CSGALNACT1: variants seen among roughly 807,000 people sequenced by gnomAD.
The protein encoded by CSGALNACT1 is chondroitin sulfate N-acetylgalactosaminyltransferase 1.
CSGALNACT1 carries 52 observed loss-of-function variants against 51.0 expected under a neutral mutation model. The observed-to-expected ratio is 1.02, with a 90% CI of 0.82 to 1.29. The LOEUF is 1.29. Ranked by LOEUF, CSGALNACT1 falls within the 50% of genes most tolerant of loss-of-function variation. CSGALNACT1 has a pLI of 0.00. For synonymous variants in CSGALNACT1, 341 were observed against 254.4 expected (o/e 1.34, Z -3.24); for missense variants, 935 against 679.2 (o/e 1.38, Z -4.19).
At chr8:19,725,203 A>T (rs1404448455) in intron 1 of CSGALNACT1, among the ~76,000 whole-genome samples, 1 of 152,178 alleles carries the variant, frequency 6.6e-6, no homozygotes, top group Non-Finnish European at 1.5e-5. Context: ...AGTCCAAGGC[A>T]CTAAGCCTTG....
chr8:19,733,608 T>C (rs1018369411), intron 1 of CSGALNACT1, among the ~76,000 whole-genome samples: 2 of 152,078 alleles, frequency 1.3e-5, no homozygotes, highest in African/African-American at 4.8e-5. Flanking sequence ...ACAAAGGCAA[T>C]GCACAATGCA....
chr8:19,714,642 T>C (rs1589657793), intron 1 of CSGALNACT1, among the ~76,000 whole-genome samples: 1 of 152,338 alleles, frequency 6.6e-6, no homozygotes, highest in South Asian at 2.1e-4. Context: ...CTACCTTTTC[T>C]ATTAGAGCCT....
At chr8:19,656,352 A>G (rs555448008) in intron 1 of CSGALNACT1, among the ~76,000 whole-genome samples, 1 of 152,254 alleles carries the variant, frequency 6.6e-6, no homozygotes, top group African/African-American at 2.4e-5. Flanking sequence ...CCAATTCACC[A>G]TTTTTATATG....
At position 19,426,643 on chromosome 8, in the gene CSGALNACT1, C is replaced by G. The variant is rs567974831; in HGVS notation, c.954-6125G>C. Among the ~76,000 whole-genome samples the G allele has an allele frequency of 5.3e-4, 80 of 152,304 alleles. 2 individuals carry two copies. In the South Asian group the frequency reaches 0.017, roughly 32 times the overall value. On this transcript the variant is annotated intron_variant, in intron 6 of 9. Transcript: ENST00000454498. Reference sequence around the variant, plus strand: ...AATTGTATTATCAACTGACAAAACTCTTCCATTTCCCAGTCAATTCCTGTT... The same window carrying G: ...AATTGTATTATCAACTGACAAAACTGTTCCATTTCCCAGTCAATTCCTGTT...
At chr8:19,496,972 C>T (rs2075598411) in intron 4 of CSGALNACT1, among the ~76,000 whole-genome samples, 2 of 152,124 alleles carry the variant, frequency 1.3e-5, no homozygotes, top group South Asian at 4.1e-4. Context: ...AACACTCTTC[C>T]CGGACCCTCC....
chr8:19,705,136 T>C (rs118142866), intron 1 of CSGALNACT1, among the ~76,000 whole-genome samples: 1,981 of 152,354 alleles, frequency 0.013, 28 homozygotes, highest in Non-Finnish European at 0.019. Context: ...ATGGTAATCA[T>C]TTCACAACAT....
intron 3 of CSGALNACT1, among the ~76,000 whole-genome samples, chr8:19,547,271 A>C (rs945267840): frequency 6.6e-6 from 1 of 152,178 alleles, no homozygotes; most frequent in Non-Finnish European, 1.5e-5. Context: ...AAAAGCTCTA[A>C]CTGGTCATCT....
At chr8:19,709,624 G>A (rs2062380688) in intron 1 of CSGALNACT1, among the ~76,000 whole-genome samples, 1 of 152,200 alleles carries the variant, frequency 6.6e-6, no homozygotes, top group Admixed American at 6.5e-5. Flanking sequence ...GGAACCTAGA[G>A]GAAGGCCAAA....
rs1589645748 is a variant in CSGALNACT1 at position 19,712,076 on chromosome 8, A to T, written c.-297+45774T>A. Among the ~76,000 whole-genome samples, 4 of 152,134 alleles carry T rather than the reference A, an allele frequency of 2.6e-5. No homozygotes were observed. The South Asian group carries it at 8.3e-4, about 32-fold the overall frequency. On this transcript the variant is annotated intron_variant, in intron 1 of 1. Transcript: ENST00000517494. ...AGTCTCGCTCTGTCATCCAGGCTGG[A>T]GTGCAGTGGCGCGATCTCGGCTCAC...
chr8:19,507,579 T>C (rs1377991434), intron 3 of CSGALNACT1, among the ~76,000 whole-genome samples: 4 of 103,822 alleles, frequency 3.9e-5, no homozygotes, highest in South Asian at 2.9e-4. Flanking sequence ...ATAGACCAAA[T>C]AGAATTTCTT....
At chr8:19,700,284 G>C (rs561286734) in intron 1 of CSGALNACT1, among the ~76,000 whole-genome samples, 91 of 151,992 alleles carry the variant, frequency 6.0e-4, no homozygotes, top group African/African-American at 1.9e-3. Flanking sequence ...GATCTTCCTA[G>C]ACAGCACTCA....
chr8:19,528,403 G>A (rs1006873701), intron 3 of CSGALNACT1, among the ~76,000 whole-genome samples: 1 of 152,004 alleles, frequency 6.6e-6, no homozygotes, highest in Admixed American at 6.6e-5. Flanking sequence ...AAGTGATAAA[G>A]AGAGACAAAA....
chr8:19,691,164 G>A (rs2061293569), intron 1 of CSGALNACT1, among the ~76,000 whole-genome samples: 1 of 152,190 alleles, frequency 6.6e-6, no homozygotes, highest in South Asian at 2.1e-4. Context: ...CAAGGCAAGA[G>A]GCCACGCCCG....
At chr8:19,667,765 C>G (rs1402750782) in intron 1 of CSGALNACT1, among the ~76,000 whole-genome samples, 1 of 152,150 alleles carries the variant, frequency 6.6e-6, no homozygotes, top group Non-Finnish European at 1.5e-5. Flanking sequence ...AAATCACTAA[C>G]TTAAGCCACA....
chr8:19,425,071 A>C (rs2058564364), intron 6 of CSGALNACT1, among the ~76,000 whole-genome samples: 1 of 152,212 alleles, frequency 6.6e-6, no homozygotes, highest in African/African-American at 2.4e-5. Context: ...GACCAGGTGC[A>C]GTGGCTCATG....
At chr8:19,557,729 A>T in intron 3 of CSGALNACT1, among the ~76,000 whole-genome samples, 1 of 152,010 alleles carries the variant, frequency 6.6e-6, no homozygotes, top group Admixed American at 6.5e-5. Flanking sequence ...TCCTTGCTTT[A>T]TTTTTCTTCT....
chr8:19,607,228 A>G (rs1280201022), upstream of CSGALNACT1, among the ~76,000 whole-genome samples: 2 of 152,074 alleles, frequency 1.3e-5, no homozygotes, highest in Non-Finnish European at 2.9e-5. Context: ...CTGTTTTCAC[A>G]TTGTCAACAT....
At chr8:19,633,398 C>T (rs1408983648) in intron 1 of CSGALNACT1, among the ~76,000 whole-genome samples, 2 of 152,202 alleles carry the variant, frequency 1.3e-5, no homozygotes, top group Non-Finnish European at 2.9e-5. Flanking sequence ...TGGTGGTACC[C>T]CAAAGAAGAT....
intron 1 of CSGALNACT1, among the ~76,000 whole-genome samples, chr8:19,622,838 G>A (rs1309458692): frequency 6.6e-6 from 1 of 152,130 alleles, no homozygotes; most frequent in African/African-American, 2.4e-5. Flanking sequence ...GAGAAAAATA[G>A]AAATTAAGTA....
Sources: gnomAD v4.1 joint callset for allele counts (sites outside exome capture counted in the v4.1 genomes callset) on GRCh38, gnomAD v4.1.1 for gene constraint, MANE v1.5 for transcripts, NCBI Gene and HGNC (gene_info 2026-07-23, HGNC 2026-07-21) for gene names.